The following RAB3GAP1 variants were observed in gnomAD, a reference collection of about 807,000 sequenced individuals.
The protein encoded by RAB3GAP1 is rab3 GTPase-activating protein catalytic subunit.
RAB3GAP1 carries 86 observed loss-of-function variants against 130.7 expected under a neutral mutation model. That is an observed-to-expected ratio of 0.66 (90% confidence interval 0.55 to 0.79). The LOEUF (loss-of-function observed/expected upper bound fraction) is 0.79, where lower values mean the gene tolerates loss of function less well. RAB3GAP1 is among the 30% of genes least tolerant of loss of function. The probability of loss-of-function intolerance (pLI) is 0.00; values close to 1 mark genes in which losing one functional copy is unlikely to be tolerated. For synonymous variants in RAB3GAP1, 367 were observed against 401.7 expected (o/e 0.91, Z 1.03); for missense variants, 1,029 against 1,169.4 (o/e 0.88, Z 1.75).
chr2:135,106,073 C>G (rs1243589848), intron 5 of RAB3GAP1, among the ~76,000 whole-genome samples: 1 of 151,854 alleles, frequency 6.6e-6, no homozygotes, highest in East Asian at 1.9e-4. Flanking sequence ...CGTCTCGGCC[C>G]GGCAGCCGCC....
intron 5 of RAB3GAP1, among the ~76,000 whole-genome samples, chr2:135,098,386 A>G (rs1034332554): frequency 6.6e-6 from 1 of 152,220 alleles, no homozygotes; most frequent in South Asian, 2.1e-4. Flanking sequence ...ATTTCTCTTA[A>G]TATGTCTTTT....
chr2:135,115,332 A>C lies in RAB3GAP1; in HGVS notation c.599A>C (p.Asn200Thr). ...FEMVHLRKVPNQYTHLSGLLD... is the reference protein window; with the variant it reads ...FEMVHLRKVPTQYTHLSGLLD... ...ATGGTTCATCTTAGAAAAGTGCCAA[A>C]TCAGTACACTCACTTATCAGGTCTG... Residue 200 changes from asparagine (N) to threonine (T), a missense_variant, in exon 7 of 24, where the codon AAT becomes ACT. By Grantham distance (65) the Asn-to-Thr change is moderately conservative. This residue lies in a region of RAB3GAP1 where 510 missense variants were observed against 532.1 expected (regional missense o/e 0.96). Transcript: ENST00000264158. The C allele has an allele frequency of 6.2e-7, 1 of 1,613,920 alleles. No homozygotes were observed. The highest frequency in any genetic ancestry group is 8.5e-7 in the Non-Finnish European group (1 of 1,179,808).
At chr2:135,081,359 T>TATATATAC (rs1553440468) in intron 3 of RAB3GAP1, among the ~76,000 whole-genome samples, 4 of 81,114 alleles carry the variant, frequency 4.9e-5, no homozygotes, top group Non-Finnish European at 8.3e-5. Flanking sequence ...TATATATATA[T>TATATATAC]ATACACACAC....
intron 14 of RAB3GAP1, 53 bp from the exon 15 acceptor site, chr2:135,133,808 G>A: frequency 2.7e-6 from 4 of 1,504,454 alleles, no homozygotes; most frequent in Non-Finnish European, 2.8e-6. Context: ...TCAGTTATAT[G>A]TGTAAAATAT....
intron 17 of RAB3GAP1, among the ~76,000 whole-genome samples, chr2:135,142,807 GATTTTT>G (rs1182367327): frequency 1.3e-5 from 2 of 150,828 alleles, no homozygotes; most frequent in African/African-American, 2.4e-5. Context: ...TGCATTGATT[GATTTTT>G]GAGTATTAAA....
intron 7 of RAB3GAP1, among the ~76,000 whole-genome samples, chr2:135,117,447 T>TCTTCTTCTTCTTCTTCTTCTTCTG (rs1558784056): frequency 5.4e-5 from 3 of 55,448 alleles, no homozygotes; most frequent in African/African-American, 2.1e-4. Context: ...TTCTTCTTCT[T>TCTTCTTCTTCTTCTTCTTCTTCTG]CTTCTTCTGC....
At chr2:135,164,268 A>AT (rs961541790) in intron 22 of RAB3GAP1, among the ~76,000 whole-genome samples, 7 of 152,166 alleles carry the variant, frequency 4.6e-5, no homozygotes, top group South Asian at 4.1e-4. Flanking sequence ...ATATTATACA[A>AT]TTTTTTTTTC....
chr2:135,074,766 C>T (rs899460523), intron 3 of RAB3GAP1, among the ~76,000 whole-genome samples: 2 of 152,060 alleles, frequency 1.3e-5, no homozygotes, highest in Admixed American at 6.6e-5. Context: ...AGAGAAAGTA[C>T]GTAGATGTAT....
intron 3 of RAB3GAP1, among the ~76,000 whole-genome samples, chr2:135,083,732 C>T (rs185442179): frequency 1.8e-4 from 27 of 146,494 alleles, no homozygotes; most frequent in South Asian, 8.6e-4. Context: ...CTCAAAGTAC[C>T]GGGATTATAG....
rs1436133984 is a variant in RAB3GAP1 at position 135,170,191 on chromosome 2, CAG to C, written c.*1413_*1414del. Reference sequence around the variant, plus strand: ...CCAAGTAGAAGACGGTTCCTAAGGACAGAGTTTGTCTGTTTTCTAACAAAGAA... The same window carrying C: ...CCAAGTAGAAGACGGTTCCTAAGGACAGTTTGTCTGTTTTCTAACAAAGAA... On this transcript the variant is annotated 3_prime_UTR_variant, in exon 24 of 24. Coordinates refer to ENST00000264158, the MANE Select transcript of RAB3GAP1 (RefSeq NM_012233.3). 1.3e-5 allele frequency: 2 copies of C among 151,790 alleles called. No individual in the cohort carries two copies. The highest frequency in any genetic ancestry group is 3.9e-4 in the East Asian group (2 of 5,100). The allele number at this position is 151,790 out of a possible 1,614,324, so 9.4% of individuals were successfully genotyped here. A position where few individuals can be genotyped will look rare whatever the true frequency, so the allele number is the denominator to read the frequency against.
intron 2 of RAB3GAP1, among the ~76,000 whole-genome samples, chr2:135,054,059 T>C (rs922428703): frequency 5.3e-5 from 8 of 152,134 alleles, no homozygotes; most frequent in Non-Finnish European, 1.2e-4. Context: ...TAAATAAGGT[T>C]AACAAGGAAG....
chr2:135,056,245 C>T (rs183809112), intron 2 of RAB3GAP1, among the ~76,000 whole-genome samples: 7 of 152,134 alleles, frequency 4.6e-5, no homozygotes, highest in Admixed American at 6.5e-5. Flanking sequence ...CTCTGTTGCC[C>T]AGGCTGGGGT....
chr2:135,089,956 A>AG (rs1450985936), intron 3 of RAB3GAP1: 2 of 225,906 alleles, frequency 8.9e-6, no homozygotes, highest in Non-Finnish European at 1.9e-5. Flanking sequence ...GGGCTAGGGG[A>AG]GGGATAGCAT....
chr2:135,167,548 C>G, intron 23 of RAB3GAP1: 1 of 662,452 alleles, frequency 1.5e-6, no homozygotes, highest in Non-Finnish European at 2.5e-6. Flanking sequence ...GTGACTTTGT[C>G]TTGAATATTC....
intron 4 of RAB3GAP1, among the ~76,000 whole-genome samples, 165 bp downstream of exon 4, chr2:135,091,295 T>A (rs1401036899): frequency 6.6e-6 from 1 of 152,192 alleles, no homozygotes; most frequent in African/African-American, 2.4e-5. Context: ...TACATTGTCA[T>A]TCATTTTTTA....
At position 135,083,110 on chromosome 2, in the gene RAB3GAP1, CAGTT is replaced by C. The variant is rs890551494; in HGVS notation, c.151-7887_151-7884del. Among the ~76,000 whole-genome samples, 12 of 151,584 alleles carry C rather than the reference CAGTT, an allele frequency of 7.9e-5. No homozygotes were observed. The East Asian group carries it at 1.9e-3, about 25-fold the overall frequency. ...TTTTTTTCTGAATATTTTCAACCCA[CAGTT>C]GGTTGAATCTAAGGATGTGGAATCT... On this transcript the variant is annotated intron_variant, in intron 3 of 23. Transcript: ENST00000264158.
At chr2:135,080,116 C>CA (rs764426198) in intron 3 of RAB3GAP1, among the ~76,000 whole-genome samples, 24,563 of 72,468 alleles carry the variant, frequency 0.34, 4,025 homozygotes, top group East Asian at 0.52. Flanking sequence ...GACTCCGTCT[C>CA]AAAAAAAAAA....
At chr2:135,135,982 A>G (rs929998767) in intron 17 of RAB3GAP1, 50 bp downstream of exon 17, 1 of 1,592,542 alleles carries the variant, frequency 6.3e-7, no homozygotes, top group Non-Finnish European at 8.6e-7. Context: ...GGTTTATATA[A>G]CTTCATCCTA....
intron 7 of RAB3GAP1, among the ~76,000 whole-genome samples, chr2:135,119,256 G>C (rs565985884): frequency 6.6e-6 from 1 of 151,948 alleles, no homozygotes; most frequent in Non-Finnish European, 1.5e-5. Context: ...CTACAGGCGC[G>C]CACCACTACT....
Sources: allele counts gnomAD v4.1 joint callset (sites outside exome capture counted in the v4.1 genomes callset), GRCh38; gene constraint gnomAD v4.1.1; regional missense constraint gnomAD v4.1.1; transcripts MANE v1.5; gene names NCBI Gene and HGNC (gene_info 2026-07-23, HGNC 2026-07-21).